The following MAML2 variants were observed in gnomAD, a reference collection of about 807,000 sequenced individuals.
MAML2 encodes the protein mastermind-like protein 2.
A neutral mutation model predicts 96.1 loss-of-function variants in MAML2; 22 were observed. That is an observed-to-expected ratio of 0.23 (90% CI 0.16 to 0.33). The LOEUF (loss-of-function observed/expected upper bound fraction) is 0.33, where lower values mean the gene tolerates loss of function less well. Among genes scored for constraint, MAML2 ranks in the 10% least tolerant of loss-of-function variants. The pLI, the probability that MAML2 is intolerant of heterozygous loss-of-function variation, is 1.00. For missense variants in MAML2, 1,367 were observed against 1,392.4 expected (o/e 0.98, Z 0.29); for synonymous variants, 561 against 521.3 (o/e 1.08, Z -1.04).
chr11:96,299,056 A>ATATATATATATAT (rs1191083053), intron 1 of MAML2, among the ~76,000 whole-genome samples: 2,125 of 48,166 alleles, frequency 0.044, 12 homozygotes, highest in Non-Finnish European at 0.058. Context: ...AAAAAAAAAA[A>ATATATATATATAT]AAAAATATAT....
chr11:95,983,219 C>A (rs1857769867), intron 4 of MAML2, among the ~76,000 whole-genome samples: 1 of 152,062 alleles, frequency 6.6e-6, no homozygotes. Flanking sequence ...TGACCCTGTG[C>A]AGGCCTAGGC....
chr11:96,172,094 CT>C (rs1436765515), intron 1 of MAML2, among the ~76,000 whole-genome samples: 1 of 152,188 alleles, frequency 6.6e-6, no homozygotes, highest in Non-Finnish European at 1.5e-5. Context: ...ATAAATATGG[CT>C]GGAATTTTTG....
chr11:96,008,483 G>A (rs1858220855), intron 2 of MAML2, among the ~76,000 whole-genome samples: 1 of 152,112 alleles, frequency 6.6e-6, no homozygotes, highest in African/African-American at 2.4e-5. Flanking sequence ...TTCAGCTGCT[G>A]GCTGGATCCA....
intron 1 of MAML2, among the ~76,000 whole-genome samples, chr11:96,293,896 C>G (rs563402082): frequency 6.6e-6 from 1 of 152,314 alleles, no homozygotes; most frequent in South Asian, 2.1e-4. Flanking sequence ...CCCAAACATC[C>G]AGAGTCTAAT....
intron 2 of MAML2, among the ~76,000 whole-genome samples, chr11:96,040,547 A>G (rs1858790943): frequency 6.6e-6 from 1 of 152,150 alleles, no homozygotes; most frequent in African/African-American, 2.4e-5. Flanking sequence ...CGGGTGGATC[A>G]CCTGAGGTCA....
At chr11:96,036,292 T>C (rs1381709687) in intron 2 of MAML2, among the ~76,000 whole-genome samples, 1 of 152,112 alleles carries the variant, frequency 6.6e-6, no homozygotes, top group African/African-American at 2.4e-5. Flanking sequence ...AAAGATGGTA[T>C]GTCTCAGGTT....
intron 1 of MAML2, among the ~76,000 whole-genome samples, chr11:96,242,026 G>T (rs1318898467): frequency 6.6e-6 from 1 of 152,190 alleles, no homozygotes; most frequent in Admixed American, 6.5e-5. Flanking sequence ...ATGCAAGTGT[G>T]ATTGGAGCAG....
At chr11:96,191,565 G>C (rs992354244) in intron 1 of MAML2, among the ~76,000 whole-genome samples, 3 of 151,644 alleles carry the variant, frequency 2.0e-5, no homozygotes, top group East Asian at 1.9e-4. Flanking sequence ...ACGAGGTCAA[G>C]AGATGGAGAC....
At chr11:96,071,290 C>G (rs1348717118) in intron 2 of MAML2, among the ~76,000 whole-genome samples, 2 of 152,274 alleles carry the variant, frequency 1.3e-5, no homozygotes, top group Non-Finnish European at 2.9e-5. Context: ...ATTTTGCCAG[C>G]ATGGCACTGG....
intron 1 of MAML2, among the ~76,000 whole-genome samples, chr11:96,159,444 G>A (rs1360050323): frequency 1.3e-5 from 1 of 79,790 alleles, no homozygotes; most frequent in South Asian, 3.7e-4. Context: ...ACGGAGTCTC[G>A]CTCTGTCACC....
In MAML2 at chr11:96,155,509, A is replaced by AATACATATATATATAT. The variant is rs541216405; in HGVS notation, c.514-61993_514-61992insATATATATATATGTAT. ...ACCTCATGGGCGCTGTAACAATTCA[A>AATACATATATATATAT]ATATATATATATATATATATATATA... On this transcript the variant is annotated intron_variant, in intron 1 of 4. Transcript: ENST00000524717. Among the ~76,000 whole-genome samples, 200 of 74,848 alleles carry AATACATATATATATAT rather than the reference A, an allele frequency of 2.7e-3. 20 individuals are homozygous for AATACATATATATATAT. Among genetic ancestry groups the AATACATATATATATAT allele is most frequent in the Non-Finnish European group, 3.5e-3 (142 of 40,024 alleles). 49.1% of individuals were successfully genotyped at this position (74,848 alleles called of 152,430 possible). A position where few individuals can be genotyped will look rare whatever the true frequency, so the allele number is the denominator to read the frequency against.
intron 2 of MAML2, among the ~76,000 whole-genome samples, chr11:96,002,918 G>A (rs1377754209): frequency 7.1e-6 from 1 of 140,920 alleles, no homozygotes; most frequent in Admixed American, 7.0e-5. Flanking sequence ...AAAGATGATG[G>A]GGATAAGGAA....
chr11:96,025,681 G>A (rs1031231282), intron 2 of MAML2, among the ~76,000 whole-genome samples: 3 of 152,068 alleles, frequency 2.0e-5, no homozygotes. Flanking sequence ...AGCTTCCCAC[G>A]TAGCTGGGAT....
intron 2 of MAML2, among the ~76,000 whole-genome samples, chr11:96,006,870 TATACACACAC>T (rs1309155654): frequency 0.03 from 3,286 of 109,874 alleles, 124 homozygotes; most frequent in African/African-American, 0.1. Flanking sequence ...AGGAATATCT[TATACACACAC>T]ACACACACAC....
At chr11:96,230,425 T>C (rs1315240848) in intron 1 of MAML2, among the ~76,000 whole-genome samples, 1 of 152,226 alleles carries the variant, frequency 6.6e-6, no homozygotes, top group Non-Finnish European at 1.5e-5. Context: ...CTTTTTTCAA[T>C]GATTTATACA....
rs574089543 is a variant in MAML2 at position 96,039,160 on chromosome 11, C to A, written c.2140-47437G>T. Among the ~76,000 whole-genome samples, 16 of 152,144 alleles carry A rather than the reference C, an allele frequency of 1.1e-4. 1 individual carries two copies. The highest frequency in any genetic ancestry group is 9.2e-4 in the Admixed American group (14 of 15,280). ...GTCCCAGCTACTTGGGAGGCTGAAG[C>A]AGAAGGATCACTTGAGCCTAGGAGG... On this transcript the variant is annotated intron_variant, in intron 2 of 4. Transcript: ENST00000524717.
chr11:96,211,427 G>A (rs1861969453), intron 1 of MAML2, among the ~76,000 whole-genome samples: 1 of 147,948 alleles, frequency 6.8e-6, no homozygotes, highest in African/African-American at 2.5e-5. Context: ...ATTGTCCAAT[G>A]TGATAGGGTC....
At chr11:96,192,749 G>A (rs1475848495) in intron 1 of MAML2, among the ~76,000 whole-genome samples, 1 of 152,126 alleles carries the variant, frequency 6.6e-6, no homozygotes, top group Admixed American at 6.5e-5. Context: ...TCTTATTAAG[G>A]GCAGGCCGGT....
intron 2 of MAML2, among the ~76,000 whole-genome samples, chr11:96,008,023 TA>T (rs369841167): frequency 4.1e-3 from 343 of 83,538 alleles, no homozygotes; most frequent in African/African-American, 0.013. Context: ...ACTTAAAGTA[TA>T]AAAAAAAAAA....
Sources: gnomAD v4.1 joint callset for allele counts (sites outside exome capture counted in the v4.1 genomes callset) on GRCh38, gnomAD v4.1.1 for gene constraint, MANE v1.5 for transcripts, NCBI Gene and HGNC (gene_info 2026-07-23, HGNC 2026-07-21) for gene names.